HSPG2: variants seen among roughly 807,000 people sequenced by gnomAD.
HSPG2 encodes the protein heparan sulfate proteoglycan 2.
Under a neutral mutation model 526.6 loss-of-function variants are expected in HSPG2, and 278 were observed. The ratio of observed to expected loss-of-function variants is 0.53; its 90% CI spans 0.48 to 0.58. HSPG2 has a LOEUF of 0.58. HSPG2 is among the 20% of genes least tolerant of loss of function. The pLI, the probability that HSPG2 is intolerant of heterozygous loss-of-function variation, is 0.00. For missense variants in HSPG2, 5,354 were observed against 6,099.5 expected, an observed-to-expected ratio of 0.88 and a Z score of 4.07; for synonymous variants, 2,465 against 2,555.4, an observed-to-expected ratio of 0.96 and a Z score of 1.07.
At chr1:21,918,158 T>C (rs1643932748) in intron 1 of HSPG2, among the ~76,000 whole-genome samples, 1 of 152,112 alleles carries the variant, frequency 6.6e-6, no homozygotes, top group African/African-American at 2.4e-5. Flanking sequence ...AACTTCAATG[T>C]GTACCTCTGT....
chr1:21,871,839 A>G (rs1640674128), intron 33 of HSPG2, among the ~76,000 whole-genome samples: 1 of 152,264 alleles, frequency 6.6e-6, no homozygotes, highest in Non-Finnish European at 1.5e-5. Flanking sequence ...GGGCACGTGA[A>G]TGACACTGAA....
intron 47 of HSPG2, 115 bp from the exon 48 acceptor site, chr1:21,855,098 T>C: frequency 7.1e-7 from 1 of 1,410,456 alleles, no homozygotes; most frequent in Non-Finnish European, 9.8e-7. Context: ...TAGGGCCCAG[T>C]GGGGCATGAA....
intron 1 of HSPG2, among the ~76,000 whole-genome samples, chr1:21,910,992 G>C (rs1418609896): frequency 6.6e-6 from 1 of 152,152 alleles, no homozygotes; most frequent in Admixed American, 6.6e-5. Context: ...TGAAGCCCCT[G>C]GCATCCTGCG....
In HSPG2 at chr1:21,842,087, G is replaced by A; in HGVS notation, c.9108C>T (p.Gly3036=). Residue 3036 remains glycine, a synonymous_variant, in exon 69 of 97, where the codon GGC becomes GGT. Transcript: ENST00000374695. The stretch of plus-strand genomic sequence containing the variant: ...TGAGGCACTTGAAGCTGGCATCCTG[G>A]CCCTGCTGCACGGTGCTGCTGGGCG... ...IDPPSSTVQQ[G]QDASFKCLIH... is the part of the protein sequence containing the mutation. 6.2e-7 allele frequency: 1 copy of A among 1,613,678 alleles called. No individual in the cohort carries two copies. The highest frequency in any genetic ancestry group is 8.5e-7 in the Non-Finnish European group (1 of 1,180,026).
chr1:21,859,586 C>T lies in HSPG2; in HGVS notation c.5273G>A (p.Arg1758Gln), dbSNP rs2229483. The T allele has an allele frequency of 2.6e-5, 42 of 1,603,376 alleles. No individual in the cohort carries two copies. The highest frequency in any genetic ancestry group is 3.1e-5 in the Non-Finnish European group (36 of 1,174,964). Reference protein sequence around the residue: ...CRNLHQSNTSRAELLVTEAPS... With the variant: ...CRNLHQSNTSQAELLVTEAPS... The stretch of plus-strand genomic sequence containing the variant: ...CTCACCAGTGACCAGCAGCTCTGCC[C>T]GGCTGGTATTGGATTGGTGGAGATT... Residue 1758 changes from arginine (R) to glutamine (Q), a missense_variant, in exon 42 of 97, where the codon CGG (arginine) becomes CAG (glutamine). By Grantham distance (43) the Arg-to-Gln change is conservative (BLOSUM62 1). Transcript: ENST00000374695. The surrounding 1 kb of genome is among the most constrained non-coding windows in gnomAD (Gnocchi z 5.3).
At chr1:21,835,360 G>A in intron 76 of HSPG2, 180 bp downstream of exon 76, 1 of 641,504 alleles carries the variant, frequency 1.6e-6, no homozygotes, top group Non-Finnish European at 2.8e-6. Flanking sequence ...TCCCTCCCTT[G>A]AAATATGTAT....
intron 1 of HSPG2, among the ~76,000 whole-genome samples, chr1:21,913,502 C>T: frequency 6.6e-6 from 1 of 152,194 alleles, no homozygotes. Context: ...TGTCCACCTG[C>T]CCTCAGACAG....
intron 1 of HSPG2, among the ~76,000 whole-genome samples, chr1:21,896,744 A>C (rs996706468): frequency 1.3e-5 from 2 of 152,110 alleles, no homozygotes; most frequent in East Asian, 3.9e-4. Context: ...GTGGGGACAC[A>C]GGCAGAAGTC....
chr1:21,908,574 G>C, intron 1 of HSPG2: 2 of 717,678 alleles, frequency 2.8e-6, no homozygotes, highest in Non-Finnish European at 2.5e-6. Flanking sequence ...ATGAATTCAC[G>C]GCATAATAGG....
chr1:21,851,900 G>C lies in HSPG2; in HGVS notation c.6897C>G (p.Phe2299Leu). ...HQVRGSRLYIFQASPADAGQY... is the reference protein window; with the variant it reads ...HQVRGSRLYILQASPADAGQY... The stretch of plus-strand genomic sequence containing the variant: ...GTCCCGCATCGGCAGGTGAGGCCTG[G>C]AAGATGTACAGGCGGGAGCCACGAA... The change falls in exon 54 of 97, where the codon TTC (phenylalanine) becomes TTG (leucine). Residue 2299 changes from phenylalanine (F) to leucine (L), a missense_variant. Physicochemically the swap from Phe to Leu is conservative, Grantham distance 22. Coordinates refer to ENST00000374695, the MANE Select transcript of HSPG2 (RefSeq NM_005529.7). 1 of 1,610,212 alleles carries C rather than the reference G, an allele frequency of 6.2e-7. No individual in the cohort carries two copies. The highest frequency in any genetic ancestry group is 8.5e-7 in the Non-Finnish European group (1 of 1,178,790).
chr1:21,882,663 G>T (rs997741672), intron 13 of HSPG2, among the ~76,000 whole-genome samples: 22 of 152,118 alleles, frequency 1.4e-4, no homozygotes, highest in African/African-American at 5.3e-4. Flanking sequence ...GTCTTGTGCT[G>T]CTCAGGAATG....
In HSPG2 at chr1:21,875,740, C is replaced by T. The variant is rs1211193025; in HGVS notation, c.3191G>A (p.Trp1064Ter). The T allele has an allele frequency of 1.2e-6, 2 of 1,605,754 alleles. No homozygotes were observed. The highest frequency in any genetic ancestry group is 3.3e-5 in the Admixed American group (2 of 60,032). The change falls in exon 25 of 97, where the codon TGG (tryptophan) becomes TAG (stop). Residue 1064 changes from tryptophan (W) to a stop codon, truncating the protein, a stop_gained. Coordinates refer to ENST00000374695, the MANE Select transcript of HSPG2 (RefSeq NM_005529.7). LOFTEE classifies it high-confidence loss of function. ...GGCTGGCTGCCCATCGGGCCGCTGC[C>T]ATGCTTGCTGCCAAGGAGAGGACAC... is the stretch of plus-strand genomic sequence containing the variant. ...TFIVPFREQA[W>*]QRPDGQPATR...
Position 21,874,980 on chromosome 1 carries a change from C to T in HSPG2, c.3325G>A (p.Val1109Met), listed in dbSNP as rs777707172. Residue 1109 changes from valine (V) to methionine (M), a missense_variant, in exon 26 of 97, where the codon GTG (valine) becomes ATG (methionine). Coordinates refer to ENST00000374695, the MANE Select transcript of HSPG2 (RefSeq NM_005529.7). ...ESRVSGISMD[V>M]AVPEETGQDP... ...TGGCCGGTTTCCTCGGGCACAGCCA[C>T]GTCCATGCTGATGCCAGAGACCCTG... 15 of 1,606,052 alleles carry T rather than the reference C, an allele frequency of 9.3e-6. No homozygotes were observed. The highest frequency in any genetic ancestry group is 6.7e-5 in the African/African-American group (5 of 74,832).
chr1:21,879,617 G>A (rs923369002), intron 17 of HSPG2, among the ~76,000 whole-genome samples: 2 of 151,804 alleles, frequency 1.3e-5, no homozygotes, highest in Non-Finnish European at 2.9e-5. Context: ...GTGGAGAGGA[G>A]GGCCAACACC....
At chr1:21,843,702 A>C (rs2098059159) in intron 65 of HSPG2, among the ~76,000 whole-genome samples, 1 of 151,854 alleles carries the variant, frequency 6.6e-6, no homozygotes, top group Non-Finnish European at 1.5e-5. Context: ...GCTGGAGTGC[A>C]GTGGTGCAAT....
At chr1:21,885,616 C>T (rs1264683883) in intron 9 of HSPG2, among the ~76,000 whole-genome samples, 165 bp from the exon 10 acceptor site, 2 of 152,208 alleles carry the variant, frequency 1.3e-5, no homozygotes, top group African/African-American at 2.4e-5. Flanking sequence ...GATGCGGCCA[C>T]CAGCTGTCAT....
chr1:21,887,680 G>A lies in HSPG2; in HGVS notation c.704-6C>T, dbSNP rs1398639393. 1.2e-6 allele frequency: 2 copies of A among 1,613,908 alleles called. No homozygotes were observed. Among genetic ancestry groups the A allele is most frequent in the African/African-American group, 1.3e-5 (1 of 75,016 alleles). ...GATACCCAGGACTGGCTCCTCTGTG[G>A]ATAGATTCCGCTTGGCATTTGGCAG... On this transcript the variant is annotated splice_region_variant and splice_polypyrimidine_tract_variant and intron_variant, in intron 7 of 96. Coordinates refer to ENST00000374695, the MANE Select transcript of HSPG2 (RefSeq NM_005529.7). The surrounding 1 kb of genome is among the most constrained non-coding windows in gnomAD (Gnocchi z 5.0).
chr1:21,933,693 G>C (rs951953564), intron 1 of HSPG2, among the ~76,000 whole-genome samples: 3 of 152,374 alleles, frequency 2.0e-5, no homozygotes, highest in Non-Finnish European at 4.4e-5. Flanking sequence ...TAAGGGATGG[G>C]GGGGTGGTCC....
chr1:21,834,637 C>A, intron 77 of HSPG2, 42 bp downstream of exon 77: 1 of 1,611,104 alleles, frequency 6.2e-7, no homozygotes, highest in Non-Finnish European at 8.5e-7. Context: ...AAGCCCCTGC[C>A]CCACTCACTG....
Sources: allele counts gnomAD v4.1 joint callset (sites outside exome capture counted in the v4.1 genomes callset), GRCh38; gene constraint gnomAD v4.1.1; non-coding constraint Gnocchi (gnomAD v3.1); transcripts MANE v1.5; gene names NCBI Gene and HGNC (gene_info 2026-07-23, HGNC 2026-07-21).